The following DCC variants were observed in gnomAD, a reference collection of about 807,000 sequenced individuals.
The protein encoded by DCC is DCC netrin 1 receptor.
In DCC, 58 loss-of-function variants were observed where a neutral mutation model predicts 172.5. That is an observed-to-expected ratio of 0.34 (90% CI 0.27 to 0.42). DCC has a LOEUF of 0.42. Ranked by LOEUF, DCC falls within the 10% of genes least tolerant of loss-of-function variation. DCC has a pLI of 1.00. For missense variants in DCC, 1,740 were observed against 1,791.0 expected (o/e 0.97, Z 0.51); for synonymous variants, 709 against 644.5 (o/e 1.10, Z -1.52).
chr18:52,979,652 TTGTGTTCAGAGTTA>T (rs1568224867), intron 5 of DCC, among the ~76,000 whole-genome samples: 2 of 152,174 alleles, frequency 1.3e-5, no homozygotes, highest in Non-Finnish European at 2.9e-5. Flanking sequence ...TTTGCATAGC[TTGTGTTCAGAGTTA>T]CCCATGAGGA....
intron 2 of DCC, among the ~76,000 whole-genome samples, chr18:52,776,579 T>C (rs989022842): frequency 9.9e-5 from 15 of 152,028 alleles, no homozygotes; most frequent in African/African-American, 3.4e-4. Context: ...CCCTGAGAGA[T>C]CTTCTGATTG....
chr18:53,347,169 G>A (rs2057735460), intron 15 of DCC, among the ~76,000 whole-genome samples: 1 of 152,126 alleles, frequency 6.6e-6, no homozygotes, highest in Non-Finnish European at 1.5e-5. Flanking sequence ...GCACAAAGTG[G>A]TGAGGGTTTC....
At chr18:53,000,211 T>C (rs1423620899) in intron 5 of DCC, among the ~76,000 whole-genome samples, 1 of 152,078 alleles carries the variant, frequency 6.6e-6, no homozygotes, top group Admixed American at 6.6e-5. Flanking sequence ...ATAGAATACC[T>C]GAAAGGCTTA....
At chr18:53,029,215 A>G (rs2041996001) in intron 5 of DCC, among the ~76,000 whole-genome samples, 1 of 152,182 alleles carries the variant, frequency 6.6e-6, no homozygotes, top group Non-Finnish European at 1.5e-5. Flanking sequence ...AACTCATTAG[A>G]AAATATTAGT....
chr18:53,351,630 T>C (rs2057814572), intron 15 of DCC, among the ~76,000 whole-genome samples: 1 of 150,624 alleles, frequency 6.6e-6, no homozygotes, highest in African/African-American at 2.4e-5. Context: ...TTGTTATTTG[T>C]AAAACAAACC....
In DCC at chr18:52,833,576, G is replaced by A. The variant is rs111629443; in HGVS notation, c.413-72468G>A. 8.1e-4 allele frequency among the ~76,000 whole-genome samples: 123 copies of A among 152,164 alleles called. 2 individuals carry two copies. In the South Asian group the frequency reaches 8.9e-3, roughly 11 times the overall value. On this transcript the variant is annotated intron_variant, in intron 2 of 28. Transcript: ENST00000442544. Reference sequence around the variant, plus strand: ...TTTAGTAAAATCTAAAGTAGAAACTGCTAGCAAGTTCCCAAACAATGCTAA... The same window carrying A: ...TTTAGTAAAATCTAAAGTAGAAACTACTAGCAAGTTCCCAAACAATGCTAA...
chr18:52,769,682 TTTC>T (rs755147829), intron 2 of DCC, among the ~76,000 whole-genome samples: 3 of 152,212 alleles, frequency 2.0e-5, no homozygotes, highest in South Asian at 4.1e-4. Context: ...TCATTTAGAC[TTTC>T]TTCTATGTTT....
chr18:52,953,086 T>C (rs2145552922), intron 5 of DCC, among the ~76,000 whole-genome samples: 1 of 152,044 alleles, frequency 6.6e-6, no homozygotes, highest in South Asian at 2.1e-4. Flanking sequence ...TACGGTATTT[T>C]TATCTGTTGT....
chr18:53,490,030 G>A (rs184211561), intron 26 of DCC, among the ~76,000 whole-genome samples: 2 of 152,270 alleles, frequency 1.3e-5, no homozygotes, highest in Non-Finnish European at 2.9e-5. Context: ...TGGTAGAGGA[G>A]CAGTTTAAGT....
chr18:53,155,036 G>A (rs993432711), intron 7 of DCC, among the ~76,000 whole-genome samples: 6 of 151,198 alleles, frequency 4.0e-5, no homozygotes, highest in East Asian at 3.9e-4. Flanking sequence ...AGAGCAAGGC[G>A]AAATTTTATC....
At chr18:52,685,058 C>T (rs939808942) in intron 1 of DCC, among the ~76,000 whole-genome samples, 34 of 152,146 alleles carry the variant, frequency 2.2e-4, no homozygotes, top group African/African-American at 7.9e-4. Flanking sequence ...TTGTTCCACA[C>T]ACTTACTTAT....
chr18:52,364,787 G>A lies in DCC; in HGVS notation c.91+23909G>A, dbSNP rs1308452116. 2.0e-5 allele frequency among the ~76,000 whole-genome samples: 3 copies of A among 152,190 alleles called. No homozygotes were observed. In the East Asian group the frequency reaches 5.8e-4, roughly 29 times the overall value. ...AAGTGGGCCAGGAAGGGCAGGCTTA[G>A]AGGCAGTGAGGAGGTGGCATGGTGA... is the stretch of plus-strand genomic sequence containing the variant. On this transcript the variant is annotated intron_variant, in intron 1 of 28. Transcript: ENST00000442544.
intron 2 of DCC, among the ~76,000 whole-genome samples, chr18:52,770,204 C>A (rs10469013): frequency 0.029 from 4,396 of 152,254 alleles, 214 homozygotes; most frequent in African/African-American, 0.1. Context: ...CTGCCAATTT[C>A]TTCATAATGC....
At chr18:53,301,111 T>A (rs1354502896) in intron 12 of DCC, among the ~76,000 whole-genome samples, 1 of 151,062 alleles carries the variant, frequency 6.6e-6, no homozygotes, top group East Asian at 1.9e-4. Context: ...TTTTCCGAGA[T>A]GGAGTTTTGC....
chr18:53,104,565 C>A (rs79541072), intron 7 of DCC, among the ~76,000 whole-genome samples: 1 of 151,890 alleles, frequency 6.6e-6, no homozygotes, highest in Non-Finnish European at 1.5e-5. Flanking sequence ...GTCTTTATCA[C>A]AGTGTGAAAA....
At chr18:53,506,974 C>CTTTTCTCATCTGTGAAATCAGAT (rs1196424205) in intron 27 of DCC, among the ~76,000 whole-genome samples, 1 of 152,174 alleles carries the variant, frequency 6.6e-6, no homozygotes, top group East Asian at 1.9e-4. Flanking sequence ...CTGAATCTCA[C>CTTTTCTCATCTGTGAAATCAGAT]TTTTCTCATC....
intron 2 of DCC, among the ~76,000 whole-genome samples, chr18:52,899,062 C>A (rs1049568419): frequency 5.3e-5 from 8 of 152,224 alleles, no homozygotes; most frequent in African/African-American, 1.7e-4. Flanking sequence ...TCTACACCAA[C>A]CCATCTCTTC....
intron 1 of DCC, among the ~76,000 whole-genome samples, chr18:52,439,547 T>C (rs1369612590): frequency 6.6e-6 from 1 of 152,068 alleles, no homozygotes; most frequent in Non-Finnish European, 1.5e-5. Flanking sequence ...TGTTAAAAAG[T>C]ATGAAAGGAT....
In DCC at chr18:52,410,606, G is replaced by A. The variant is rs116510501; in HGVS notation, c.91+69728G>A. Among the ~76,000 whole-genome samples, 890 of 152,178 alleles carry A rather than the reference G, an allele frequency of 5.8e-3. 11 individuals are homozygous for A. The highest frequency in any genetic ancestry group is 0.02 in the African/African-American group (820 of 41,538). ...CCAGTGAAATCTGAAATACCTGGTC[G>A]GAGATGTGGCAGGTAGGGATGAACA... On this transcript the variant is annotated intron_variant, in intron 1 of 28. Coordinates refer to ENST00000442544, the MANE Select transcript of DCC (RefSeq NM_005215.4).
Sources: gnomAD v4.1 joint callset for allele counts (sites outside exome capture counted in the v4.1 genomes callset) on GRCh38, gnomAD v4.1.1 for gene constraint, MANE v1.5 for transcripts, NCBI Gene and HGNC (gene_info 2026-07-23, HGNC 2026-07-21) for gene names.